CDH20: variants seen among roughly 807,000 people sequenced by gnomAD.
CDH20 encodes cadherin 20, also known as cadherin-20.
Under a neutral mutation model 74.2 loss-of-function variants are expected in CDH20, and 29 were observed. That is an observed-to-expected ratio of 0.39 (90% CI 0.29 to 0.53). CDH20 has a LOEUF of 0.53. Ranked by LOEUF, CDH20 falls within the 20% of genes least tolerant of loss-of-function variation. The probability of loss-of-function intolerance (pLI) is 0.69; values close to 1 mark genes in which losing one functional copy is unlikely to be tolerated. For synonymous variants in CDH20, 469 were observed against 405.4 expected (o/e 1.16, Z -1.88); for missense variants, 988 against 1,048.3 (o/e 0.94, Z 0.79).
intron 1 of CDH20, among the ~76,000 whole-genome samples, chr18:61,469,440 T>A (rs368536557): frequency 6.6e-6 from 1 of 151,508 alleles, no homozygotes; most frequent in East Asian, 1.9e-4. Flanking sequence ...AAATACAGAC[T>A]GGGTTGTCAC....
intron 1 of CDH20, among the ~76,000 whole-genome samples, chr18:61,457,797 A>G (rs1189408590): frequency 1.3e-5 from 2 of 152,124 alleles, no homozygotes; most frequent in African/African-American, 2.4e-5. Context: ...TAAAACAGAG[A>G]AAGCTGAGAA....
intron 1 of CDH20, among the ~76,000 whole-genome samples, chr18:61,343,096 C>G (rs1390436987): frequency 6.6e-6 from 1 of 152,174 alleles, no homozygotes; most frequent in African/African-American, 2.4e-5. Context: ...GACAGGAACT[C>G]TCTTGTTCAT....
chr18:61,384,007 C>T (rs1911518572), intron 1 of CDH20, among the ~76,000 whole-genome samples: 1 of 152,160 alleles, frequency 6.6e-6, no homozygotes, highest in African/African-American at 2.4e-5. Flanking sequence ...GTCACAGACA[C>T]CTTTCTTCTC....
chr18:61,432,672 G>C (rs536223821), intron 1 of CDH20, among the ~76,000 whole-genome samples: 4 of 152,116 alleles, frequency 2.6e-5, no homozygotes, highest in Non-Finnish European at 5.9e-5. Flanking sequence ...CCACCCCTAG[G>C]GGAAGGGGTG....
At chr18:61,519,536 A>G (rs978584800) in intron 6 of CDH20, among the ~76,000 whole-genome samples, 19 of 151,338 alleles carry the variant, frequency 1.3e-4, no homozygotes, top group Non-Finnish European at 2.5e-4. Context: ...TCACAAGTGA[A>G]GGAGAAATAA....
intron 1 of CDH20, among the ~76,000 whole-genome samples, chr18:61,477,494 T>C (rs1158274632): frequency 6.6e-6 from 1 of 152,358 alleles, no homozygotes; most frequent in East Asian, 1.9e-4. Context: ...GTGGCAACAA[T>C]GTTAGAAATT....
At chr18:61,374,186 TAA>T (rs1156826324) in intron 1 of CDH20, among the ~76,000 whole-genome samples, 1 of 152,086 alleles carries the variant, frequency 6.6e-6, no homozygotes, top group African/African-American at 2.4e-5. Context: ...TCTCCATCAT[TAA>T]ACATAACTCT....
At position 61,475,793 on chromosome 18, in the gene CDH20, C is replaced by T. The variant is rs181693801; in HGVS notation, c.-152-14609C>T. ...TTGTTATGCCTGAACAGACATAATC[C>T]GAAGTTTTGTACATATAGCCTGCAT... On this transcript the variant is annotated intron_variant, in intron 1 of 11. Coordinates refer to ENST00000262717, the MANE Select transcript of CDH20 (RefSeq NM_031891.4). Among the ~76,000 whole-genome samples the T allele has an allele frequency of 9.9e-5, 15 of 152,250 alleles. No individual in the cohort carries two copies. In the East Asian group the frequency reaches 1.9e-3, roughly 20 times the overall value.
At chr18:61,416,600 T>C (rs1419712260) in intron 1 of CDH20, among the ~76,000 whole-genome samples, 1 of 152,174 alleles carries the variant, frequency 6.6e-6, no homozygotes, top group Non-Finnish European at 1.5e-5. Context: ...GAAGGAAAAA[T>C]GGGCCTAGGG....
At chr18:61,342,330 A>G (rs1909979943) in intron 1 of CDH20, among the ~76,000 whole-genome samples, 1 of 152,052 alleles carries the variant, frequency 6.6e-6, no homozygotes, top group African/African-American at 2.4e-5. Flanking sequence ...TACCTCTCTA[A>G]CCCTCTCTTT....
At chr18:61,453,492 G>T (rs1170687104) in intron 1 of CDH20, among the ~76,000 whole-genome samples, 1 of 152,088 alleles carries the variant, frequency 6.6e-6, no homozygotes, top group East Asian at 1.9e-4. Context: ...TGTTGACCAG[G>T]CTGGTCTCAA....
chr18:61,399,321 G>A (rs1044428823), intron 1 of CDH20, among the ~76,000 whole-genome samples: 4 of 152,132 alleles, frequency 2.6e-5, no homozygotes, highest in African/African-American at 9.7e-5. Context: ...ATTCCAGAAA[G>A]TACTCGAGTA....
At chr18:61,438,112 A>G (rs1171766446) in intron 1 of CDH20, among the ~76,000 whole-genome samples, 3 of 152,112 alleles carry the variant, frequency 2.0e-5, no homozygotes, top group African/African-American at 7.2e-5. Flanking sequence ...ACTCTCCTAC[A>G]TTCAAACTTA....
intron 1 of CDH20, among the ~76,000 whole-genome samples, chr18:61,402,516 C>A (rs1912188761): frequency 6.6e-6 from 1 of 152,124 alleles, no homozygotes; most frequent in South Asian, 2.1e-4. Flanking sequence ...TCTTTATGAA[C>A]CAGATTTTCT....
chr18:61,354,419 C>A (rs1162129828), intron 1 of CDH20, among the ~76,000 whole-genome samples: 1 of 152,026 alleles, frequency 6.6e-6, no homozygotes, highest in Non-Finnish European at 1.5e-5. Context: ...ACCAGCCTGG[C>A]CAACAGAGTG....
chr18:61,548,881 T>C lies in CDH20; in HGVS notation c.1649-1097T>C, dbSNP rs544973276. Among the ~76,000 whole-genome samples the C allele has an allele frequency of 7.9e-5, 12 of 152,336 alleles. 1 individual carries two copies. The highest frequency in any genetic ancestry group is 2.6e-4 in the African/African-American group (11 of 41,588). On this transcript the variant is annotated intron_variant, in intron 10 of 11. Coordinates refer to ENST00000262717, the MANE Select transcript of CDH20 (RefSeq NM_031891.4). ...CATTTAAGAGGATAGAAAAGTGTAA[T>C]CCTTTATTATGTCCAAAATGGGAAG...
intron 6 of CDH20, among the ~76,000 whole-genome samples, chr18:61,511,435 C>T (rs1911780441): frequency 6.6e-6 from 1 of 152,078 alleles, no homozygotes; most frequent in Admixed American, 6.5e-5. Flanking sequence ...ACTCCTGCCT[C>T]AGCCTCCCAA....
chr18:61,417,509 A>G lies in CDH20; in HGVS notation c.-152-72893A>G, dbSNP rs201476742. On this transcript the variant is annotated intron_variant, in intron 1 of 11. Coordinates refer to ENST00000262717, the MANE Select transcript of CDH20 (RefSeq NM_031891.4). ...AACAACATGGATGGAATTGGAGGACATTGTGTTAAATGAAATAAGCCAGGC... is the reference window on the plus strand; with the variant it reads ...AACAACATGGATGGAATTGGAGGACGTTGTGTTAAATGAAATAAGCCAGGC... Among the ~76,000 whole-genome samples the G allele has an allele frequency of 1.5e-4, 23 of 149,124 alleles. No homozygotes were observed. The East Asian group carries it at 4.6e-3, about 30-fold the overall frequency.
intron 3 of CDH20, 146 bp from the exon 4 acceptor site, chr18:61,500,237 A>G (rs1467354992): frequency 2.9e-6 from 2 of 696,680 alleles, no homozygotes; most frequent in East Asian, 2.7e-5. Context: ...CAGGTACAAG[A>G]TAAGAGTTAT....
Sources: allele counts gnomAD v4.1 joint callset (sites outside exome capture counted in the v4.1 genomes callset), GRCh38; gene constraint gnomAD v4.1.1; transcripts MANE v1.5; gene names NCBI Gene and HGNC (gene_info 2026-07-23, HGNC 2026-07-21).